Variants in LRRTM4 observed in about 807,000 individuals in gnomAD.
The protein encoded by LRRTM4 is leucine rich repeat transmembrane neuronal 4.
Under a neutral mutation model 47.6 loss-of-function variants are expected in LRRTM4, and 25 were observed. The ratio of observed to expected loss-of-function variants is 0.53; its 90% CI spans 0.38 to 0.73. LRRTM4 has a LOEUF of 0.73. LRRTM4 is among the 30% of genes least tolerant of loss of function. The pLI is 0.00. For missense variants in LRRTM4, 638 were observed against 713.4 expected, an observed-to-expected ratio of 0.89 and a Z score of 1.20; for synonymous variants, 311 against 269.5, an observed-to-expected ratio of 1.15 and a Z score of -1.51.
intron 3 of LRRTM4, among the ~76,000 whole-genome samples, chr2:77,369,723 T>A (rs1672590505): frequency 6.6e-6 from 1 of 151,762 alleles, no homozygotes; most frequent in African/African-American, 2.4e-5. Context: ...ACCTAAATGG[T>A]AGAGCCTACT....
chr2:76,805,473 A>G (rs1158260855), intron 3 of LRRTM4, among the ~76,000 whole-genome samples: 2 of 152,168 alleles, frequency 1.3e-5, no homozygotes, highest in Non-Finnish European at 2.9e-5. Flanking sequence ...CATATTGAAG[A>G]TTTGCTGTAG....
chr2:77,451,033 G>T (rs2103951213), intron 3 of LRRTM4, among the ~76,000 whole-genome samples: 1 of 152,206 alleles, frequency 6.6e-6, no homozygotes, highest in East Asian at 1.9e-4. Flanking sequence ...AACCAAAACA[G>T]TTCATATACT....
intron 3 of LRRTM4, among the ~76,000 whole-genome samples, chr2:76,974,808 G>A (rs1676362985): frequency 6.6e-6 from 1 of 151,458 alleles, no homozygotes; most frequent in Admixed American, 6.6e-5. Context: ...GTTAAATTTT[G>A]CACAGTTTTT....
intron 3 of LRRTM4, among the ~76,000 whole-genome samples, chr2:77,202,033 G>A (rs553902184): frequency 6.6e-6 from 1 of 152,232 alleles, no homozygotes; most frequent in South Asian, 2.1e-4. Flanking sequence ...AAAAGTTTAA[G>A]TCCCCGGCAT....
chr2:77,433,020 G>A (rs190407311), intron 3 of LRRTM4, among the ~76,000 whole-genome samples: 103 of 152,278 alleles, frequency 6.8e-4, no homozygotes, highest in African/African-American at 2.3e-3. Context: ...TGAGCATTGT[G>A]TCTTTCCTCT....
At chr2:76,886,594 C>T (rs1460107103) in intron 3 of LRRTM4, among the ~76,000 whole-genome samples, 2 of 151,612 alleles carry the variant, frequency 1.3e-5, no homozygotes, top group South Asian at 2.1e-4. Context: ...AAAATCCAAG[C>T]GAAGAAATTG....
At chr2:77,276,420 AAAAG>A (rs1433087003) in intron 3 of LRRTM4, among the ~76,000 whole-genome samples, 2 of 149,158 alleles carry the variant, frequency 1.3e-5, no homozygotes, top group African/African-American at 2.5e-5. Flanking sequence ...AGGAAGGAGA[AAAAG>A]AGAGAAAGGA....
At chr2:76,832,239 T>C (rs1421553623) in intron 3 of LRRTM4, among the ~76,000 whole-genome samples, 1 of 152,110 alleles carries the variant, frequency 6.6e-6, no homozygotes, top group East Asian at 1.9e-4. Flanking sequence ...AATTTGGAAG[T>C]TTGTCGTAGG....
intron 3 of LRRTM4, among the ~76,000 whole-genome samples, chr2:77,104,523 C>T (rs150803023): frequency 1.3e-5 from 2 of 152,064 alleles, no homozygotes; most frequent in East Asian, 3.9e-4. Flanking sequence ...AACCTCCAAC[C>T]CTCATACAAA....
chr2:76,892,494 G>T (rs1347016784), intron 3 of LRRTM4, among the ~76,000 whole-genome samples: 2 of 151,578 alleles, frequency 1.3e-5, no homozygotes, highest in African/African-American at 4.8e-5. Context: ...GGCCCATAAG[G>T]CATAGTTTCT....
intron 3 of LRRTM4, among the ~76,000 whole-genome samples, chr2:77,087,279 C>G (rs1344685777): frequency 6.6e-6 from 1 of 152,148 alleles, no homozygotes; most frequent in Non-Finnish European, 1.5e-5. Context: ...AACATTTTTC[C>G]TGTTGACAAA....
At chr2:77,127,921 G>A (rs1040405264) in intron 3 of LRRTM4, among the ~76,000 whole-genome samples, 1 of 152,116 alleles carries the variant, frequency 6.6e-6, no homozygotes, top group Non-Finnish European at 1.5e-5. Flanking sequence ...AAGGCGGGCG[G>A]ATCATGAGGT....
At chr2:77,359,727 A>T (rs1305175268) in intron 3 of LRRTM4, among the ~76,000 whole-genome samples, 1 of 152,210 alleles carries the variant, frequency 6.6e-6, no homozygotes, top group Non-Finnish European at 1.5e-5. Flanking sequence ...AATTGCCTTA[A>T]GCCTAATTTT....
chr2:77,341,894 T>C (rs1671385896), intron 3 of LRRTM4, among the ~76,000 whole-genome samples: 1 of 151,958 alleles, frequency 6.6e-6, no homozygotes, highest in Non-Finnish European at 1.5e-5. Context: ...AGAATAAAAG[T>C]CTGTGAAAGG....
chr2:77,504,185 G>A (rs34996456), intron 3 of LRRTM4, among the ~76,000 whole-genome samples: 38,343 of 151,374 alleles, frequency 0.25, 5,284 homozygotes, highest in Middle Eastern at 0.32. Context: ...ACTAACACAT[G>A]AGCTAAATCC....
intron 3 of LRRTM4, among the ~76,000 whole-genome samples, chr2:77,307,117 G>A (rs1029040326): frequency 6.6e-6 from 1 of 151,672 alleles, no homozygotes; most frequent in African/African-American, 2.4e-5. Flanking sequence ...AGCCAGGATG[G>A]TCTCGATCTC....
intron 3 of LRRTM4, among the ~76,000 whole-genome samples, chr2:76,892,843 C>T (rs1231099531): frequency 6.6e-6 from 1 of 151,438 alleles, no homozygotes. Flanking sequence ...GACTAGTGCT[C>T]CTCAAAAATT....
At chr2:77,046,941 T>G (rs1484169289) in intron 3 of LRRTM4, among the ~76,000 whole-genome samples, 1 of 152,068 alleles carries the variant, frequency 6.6e-6, no homozygotes, top group Non-Finnish European at 1.5e-5. Flanking sequence ...GCAACTGTTT[T>G]GATTGCTAAC....
At chr2:77,040,658 T>G (rs1678998548) in intron 3 of LRRTM4, among the ~76,000 whole-genome samples, 1 of 151,342 alleles carries the variant, frequency 6.6e-6, no homozygotes, top group Admixed American at 6.6e-5. Context: ...GCAGAAAAAG[T>G]GACATATATA....
Sources: gnomAD v4.1 joint callset for allele counts (sites outside exome capture counted in the v4.1 genomes callset) on GRCh38, gnomAD v4.1.1 for gene constraint, MANE v1.5 for transcripts, NCBI Gene and HGNC (gene_info 2026-07-23, HGNC 2026-07-21) for gene names.